DNAJC3: variants seen among roughly 807,000 people sequenced by gnomAD.
The protein encoded by DNAJC3 is dnaJ homolog subfamily C member 3.
Under a neutral mutation model 68.6 loss-of-function variants are expected in DNAJC3, and 38 were observed. That is an observed-to-expected ratio of 0.55 (90% CI 0.43 to 0.73). The LOEUF is 0.73. DNAJC3 is among the 30% of genes least tolerant of loss of function. The pLI is 0.00. For missense variants in DNAJC3, 526 were observed against 591.9 expected, an observed-to-expected ratio of 0.89 and a Z score of 1.16; for synonymous variants, 203 against 204.0, an observed-to-expected ratio of 1.00 and a Z score of 0.04.
At chr13:95,748,040 A>T (rs1882357414) in intron 4 of DNAJC3, among the ~76,000 whole-genome samples, 1 of 152,202 alleles carries the variant, frequency 6.6e-6, no homozygotes, top group South Asian at 2.1e-4. Flanking sequence ...TTTTATCTCA[A>T]ATCCAACATA....
chr13:95,789,483 T>G (rs966395059), intron 11 of DNAJC3, among the ~76,000 whole-genome samples: 3 of 152,198 alleles, frequency 2.0e-5, no homozygotes, highest in Non-Finnish European at 4.4e-5. Flanking sequence ...GAGGACATGA[T>G]CTCATTCTTT....
intron 9 of DNAJC3, among the ~76,000 whole-genome samples, chr13:95,774,769 TATG>T (rs1227181937): frequency 1.3e-5 from 2 of 152,252 alleles, no homozygotes; most frequent in Admixed American, 1.3e-4. Context: ...TGAAGTTTTA[TATG>T]ATATTAATAG....
At chr13:95,754,904 G>C (rs567098337) in intron 4 of DNAJC3, among the ~76,000 whole-genome samples, 1 of 152,096 alleles carries the variant, frequency 6.6e-6, no homozygotes, top group African/African-American at 2.4e-5. Context: ...TAGCTATTAC[G>C]GGTTATTTTT....
In DNAJC3 at chr13:95,762,415, CAAAA is replaced by C. The variant is rs17882680; in HGVS notation, c.849-1222_849-1219del. ...AGCTCCAAGTCTGGGATATATGAAACAAAAAAAAAGAACCCAGGGAACGTCTTAC... is the reference window on the plus strand; with the variant it reads ...AGCTCCAAGTCTGGGATATATGAAACAAAAAGAACCCAGGGAACGTCTTAC... On this transcript the variant is annotated intron_variant, in intron 7 of 11. Transcript: ENST00000602402. Among the ~76,000 whole-genome samples the C allele has an allele frequency of 8.3e-3, 1,248 of 150,432 alleles. 21 individuals carry two copies. Among genetic ancestry groups the C allele is most frequent in the African/African-American group, 0.028 (1,161 of 41,066 alleles).
At chr13:95,720,201 A>G (rs1328914017) in intron 2 of DNAJC3, among the ~76,000 whole-genome samples, 1 of 152,218 alleles carries the variant, frequency 6.6e-6, no homozygotes, top group Non-Finnish European at 1.5e-5. Context: ...TAGTCAAATA[A>G]GTCATTTGAG....
At chr13:95,760,910 C>A in intron 7 of DNAJC3, 112 bp downstream of exon 7, 1 of 1,414,250 alleles carries the variant, frequency 7.1e-7, no homozygotes, top group East Asian at 2.8e-5. Flanking sequence ...GTGGGGTATT[C>A]TAGATAGCCC....
At position 95,760,301 on chromosome 13, in the gene DNAJC3, TATTAA is replaced by T. The variant is rs527561734; in HGVS notation, c.728+86_728+90del. 1.8e-4 allele frequency: 216 copies of T among 1,228,362 alleles called. No homozygotes were observed. The African/African-American group carries it at 2.6e-3, about 15-fold the overall frequency. The allele number at this position is 1,228,362 out of a possible 1,614,324, so 76.1% of individuals were successfully genotyped here. ...ACCTCATCTTGTTTTAACATTTTAA[TATTAA>T]ATTAATAAGATGATGGTAGTTAAGG... On this transcript the variant is annotated intron_variant, in intron 6 of 11. Coordinates refer to ENST00000602402, the MANE Select transcript of DNAJC3 (RefSeq NM_006260.5).
intron 1 of DNAJC3, among the ~76,000 whole-genome samples, chr13:95,696,362 G>A (rs7995045): frequency 0.38 from 57,802 of 151,884 alleles, 13,918 homozygotes; most frequent in African/African-American, 0.68. Flanking sequence ...TACTGAAACT[G>A]TACCTGGCAT....
intron 4 of DNAJC3, among the ~76,000 whole-genome samples, chr13:95,733,246 A>C (rs1881772958): frequency 6.6e-6 from 1 of 152,110 alleles, no homozygotes; most frequent in Non-Finnish European, 1.5e-5. Flanking sequence ...GTCCCCCACT[A>C]TTATTATCTT....
intron 1 of DNAJC3, chr13:95,692,788 C>T (rs553167836): frequency 2.0e-5 from 3 of 151,980 alleles, no homozygotes; most frequent in Non-Finnish European, 4.4e-5. Flanking sequence ...CATTAATCAA[C>T]CACACCTAGC....
intron 1 of DNAJC3, among the ~76,000 whole-genome samples, chr13:95,696,736 A>G (rs200512329): frequency 1.3e-5 from 2 of 150,996 alleles, no homozygotes; most frequent in East Asian, 3.9e-4. Context: ...TAGGCTGCAG[A>G]TGGTTGTGTC....
rs370908755 is a variant in DNAJC3 at position 95,794,370 on chromosome 13, C to T, written c.*3340C>T. ...AATGGCTCCCTGGTGAGGTTACAGA[C>T]ACGGCCCTGGTGATGGGCGTTGCAA... On this transcript the variant is annotated 3_prime_UTR_variant, in exon 12 of 12. Transcript: ENST00000602402. 32 of 152,340 alleles carry T rather than the reference C, an allele frequency of 2.1e-4. 1 individual carries two copies. In the South Asian group the frequency reaches 6.2e-3, roughly 30 times the overall value. 9.4% of individuals were successfully genotyped at this position (152,340 alleles called of 1,614,324 possible). A position where few individuals can be genotyped will look rare whatever the true frequency, so the allele number is the denominator to read the frequency against.
rs1308873057 is a variant in DNAJC3, at chr13:95,791,814, A to C, written c.*784A>C. ...TTCAGATAAAATAGTGGTGGTATTT[A>C]AAATAATATTGCTGAAGTGCAGATT... On this transcript the variant is annotated 3_prime_UTR_variant, in exon 12 of 12. Coordinates refer to ENST00000602402, the MANE Select transcript of DNAJC3 (RefSeq NM_006260.5). 6.6e-6 allele frequency: 1 copy of C among 152,256 alleles called. No homozygotes were observed. Among genetic ancestry groups the C allele is most frequent in the Non-Finnish European group, 1.5e-5 (1 of 68,042 alleles). The allele number at this position is 152,256 out of a possible 1,614,324, so 9.4% of individuals were successfully genotyped here. A position where few individuals can be genotyped will look rare whatever the true frequency, so the allele number is the denominator to read the frequency against.
intron 1 of DNAJC3, among the ~76,000 whole-genome samples, chr13:95,702,837 AC>A: frequency 6.6e-6 from 1 of 152,348 alleles, no homozygotes; most frequent in Middle Eastern, 3.4e-3. Context: ...TCTTACCCAT[AC>A]CCTAATGGAG....
At chr13:95,765,255 G>T (rs940571089) in intron 9 of DNAJC3, among the ~76,000 whole-genome samples, 1 of 152,026 alleles carries the variant, frequency 6.6e-6, no homozygotes, top group African/African-American at 2.4e-5. Flanking sequence ...TTGAGCTACC[G>T]TGTCTACTCG....
At chr13:95,726,606 A>C (rs1414784411) in intron 4 of DNAJC3, among the ~76,000 whole-genome samples, 1 of 152,134 alleles carries the variant, frequency 6.6e-6, no homozygotes, top group East Asian at 1.9e-4. Context: ...TGGATTTGTT[A>C]GGGAATGTTA....
intron 9 of DNAJC3, among the ~76,000 whole-genome samples, chr13:95,767,187 C>T (rs986406347): frequency 1.3e-5 from 2 of 152,144 alleles, no homozygotes; most frequent in African/African-American, 2.4e-5. Context: ...CTTTTTACCT[C>T]TCCCTCGGCC....
In DNAJC3 at chr13:95,686,855, A is replaced by G. The variant is rs562864849; in HGVS notation, c.82+9518A>G. Among the ~76,000 whole-genome samples, 7 of 152,318 alleles carry G rather than the reference A, an allele frequency of 4.6e-5. No homozygotes were observed. In the East Asian group the frequency reaches 5.8e-4, roughly 13 times the overall value. ...CTTTTTGGTTAGGATTACTTTGGCT[A>G]TTCATGCCCTTTTTTGGTGCTGTAT... is the stretch of plus-strand genomic sequence containing the variant. On this transcript the variant is annotated intron_variant, in intron 1 of 11. Coordinates refer to ENST00000602402, the MANE Select transcript of DNAJC3 (RefSeq NM_006260.5).
chr13:95,754,817 T>G (rs1456425900), intron 4 of DNAJC3, among the ~76,000 whole-genome samples: 1 of 152,122 alleles, frequency 6.6e-6, no homozygotes. Flanking sequence ...CAACCTGGTG[T>G]TTTTATTTGA....
Sources: allele counts gnomAD v4.1 joint callset (sites outside exome capture counted in the v4.1 genomes callset), GRCh38; gene constraint gnomAD v4.1.1; transcripts MANE v1.5; gene names NCBI Gene and HGNC (gene_info 2026-07-23, HGNC 2026-07-21).